Variants in TMEM175 observed in about 807,000 individuals in gnomAD.
TMEM175 encodes the protein transmembrane protein 175.
TMEM175 carries 36 observed loss-of-function variants against 36.5 expected under a neutral mutation model. The ratio of observed to expected loss-of-function variants is 0.99; its 90% CI spans 0.76 to 1.30. The LOEUF (loss-of-function observed/expected upper bound fraction) is 1.30, where lower values mean the gene tolerates loss of function less well. Ranked by LOEUF, TMEM175 falls within the 50% of genes most tolerant of loss-of-function variation. The pLI, the probability that TMEM175 is intolerant of heterozygous loss-of-function variation, is 0.00. For synonymous variants in TMEM175, 339 were observed against 313.4 expected (o/e 1.08, Z -0.86); for missense variants, 705 against 692.8 (o/e 1.02, Z -0.20).
chr4:941,007 A>AATAATAAT (rs1727387893), intron 1 of TMEM175, among the ~76,000 whole-genome samples: 3 of 131,864 alleles, frequency 2.3e-5, no homozygotes, highest in Non-Finnish European at 4.7e-5. Flanking sequence ...CTCCGTCTCA[A>AATAATAAT]AATAATAATA....
At position 958,169 on chromosome 4, in the gene TMEM175, G is replaced by T; in HGVS notation, c.1188G>T (p.Thr396=). 1 of 1,603,444 alleles carries T rather than the reference G, an allele frequency of 6.2e-7. No individual in the cohort carries two copies. The highest frequency in any genetic ancestry group is 8.5e-7 in the Non-Finnish European group (1 of 1,179,306). ...ASIFQLAMWT[T]ALLHQAETLQ... ...TCTTCCAGCTGGCCATGTGGACCACGGCGCTGCTGCACCAGGCGGAGACGC... is the reference window on the plus strand; with the variant it reads ...TCTTCCAGCTGGCCATGTGGACCACTGCGCTGCTGCACCAGGCGGAGACGC... The change falls in exon 11 of 11, where the codon ACG becomes ACT. Residue 396 remains threonine, a synonymous_variant. Coordinates refer to ENST00000264771, the MANE Select transcript of TMEM175 (RefSeq NM_032326.4).
chr4:944,225 G>A (rs905777138), intron 1 of TMEM175, among the ~76,000 whole-genome samples: 6 of 152,194 alleles, frequency 3.9e-5, no homozygotes, highest in African/African-American at 9.7e-5. Flanking sequence ...CCCAGGAGGC[G>A]GAGGTTGCAG....
rs547989171 is a variant in TMEM175, at chr4:953,275, G to C, written c.548G>C (p.Arg183Pro). The stretch of plus-strand genomic sequence containing the variant: ...TCTGCCCACAGGGCTCTGTACCGAC[G>C]ACACGTCCTGGGCATCGTCCTCCAA... ...QRSAHRALYR[R>P]HVLGIVLQGP... The change falls in exon 8 of 11, where the codon CGA (arginine) becomes CCA (proline). Residue 183 changes from arginine to proline, a missense_variant. By Grantham distance (103) the Arg-to-Pro change is moderately radical (BLOSUM62 -2). Transcript: ENST00000264771. 5 of 1,613,946 alleles carry C rather than the reference G, an allele frequency of 3.1e-6. No homozygotes were observed. Among genetic ancestry groups the C allele is most frequent in the Non-Finnish European group, 4.2e-6 (5 of 1,179,990 alleles).
At chr4:936,116 C>T (rs1188752998) in intron 1 of TMEM175, among the ~76,000 whole-genome samples, 1 of 152,120 alleles carries the variant, frequency 6.6e-6, no homozygotes, top group Non-Finnish European at 1.5e-5. Flanking sequence ...GGGCAGATCA[C>T]TTGAGGTCGG....
chr4:952,282 G>T, intron 6 of TMEM175, 85 bp from the exon 7 acceptor site: 1 of 1,219,648 alleles, frequency 8.2e-7, no homozygotes, highest in Non-Finnish European at 1.2e-6. Flanking sequence ...CGTGGAGTGG[G>T]GAGGCTCACC....
At position 953,270 on chromosome 4, in the gene TMEM175, C is replaced by G; in HGVS notation, c.543C>G (p.Tyr181Ter). 5 of 1,614,076 alleles carry G rather than the reference C, an allele frequency of 3.1e-6. No individual in the cohort carries two copies. The highest frequency in any genetic ancestry group is 4.2e-6 in the Non-Finnish European group (5 of 1,179,998). Reference protein sequence around the residue: ...QIQRSAHRALYRRHVLGIVLQ... With the variant: ...QIQRSAHRAL Reference sequence around the variant, plus strand: ...AGCGCTCTGCCCACAGGGCTCTGTACCGACGACACGTCCTGGGCATCGTCC... The same window carrying G: ...AGCGCTCTGCCCACAGGGCTCTGTAGCGACGACACGTCCTGGGCATCGTCC... The change falls in exon 8 of 11, where the codon TAC (tyrosine) becomes TAG (stop). Residue 181 changes from tyrosine (Y) to a stop codon, truncating the protein, a stop_gained. Coordinates refer to ENST00000264771, the MANE Select transcript of TMEM175 (RefSeq NM_032326.4). LOFTEE classifies it high-confidence loss of function.
At chr4:957,199 G>A (rs1332160975) in intron 10 of TMEM175, among the ~76,000 whole-genome samples, 1 of 148,068 alleles carries the variant, frequency 6.8e-6, no homozygotes, top group African/African-American at 2.5e-5. Flanking sequence ...TCTGCGTATT[G>A]TTCTGGAGGA....
intron 6 of TMEM175, 125 bp from the exon 7 acceptor site, chr4:952,242 G>A: frequency 2.4e-6 from 2 of 832,016 alleles, no homozygotes; most frequent in Admixed American, 2.1e-5. Flanking sequence ...GCGCCATCCT[G>A]TGATGGCCCC....
At chr4:956,178 C>T in intron 10 of TMEM175, 1 of 747,424 alleles carries the variant, frequency 1.3e-6, no homozygotes, top group Non-Finnish European at 2.0e-6. Context: ...CTGCTCTCCT[C>T]ACTCCTCTCA....
In TMEM175 at chr4:955,584, G is replaced by T. The variant is rs928761240; in HGVS notation, c.706+101G>T. On this transcript the variant is annotated intron_variant, in intron 9 of 10. Transcript: ENST00000264771. Reference sequence around the variant, plus strand: ...GCTGTCCGTGGGCCGAGGCCCGTGTGCGTGGTGGTGGCTGGGGCTCCCCCA... The same window carrying T: ...GCTGTCCGTGGGCCGAGGCCCGTGTTCGTGGTGGTGGCTGGGGCTCCCCCA... 4 of 1,449,170 alleles carry T rather than the reference G, an allele frequency of 2.8e-6. No homozygotes were observed. The African/African-American group carries it at 5.6e-5, about 20-fold the overall frequency. 89.8% of individuals were successfully genotyped at this position (1,449,170 alleles called of 1,614,324 possible).
At chr4:939,121 G>A (rs1242528471) in intron 1 of TMEM175, among the ~76,000 whole-genome samples, 1 of 152,228 alleles carries the variant, frequency 6.6e-6, no homozygotes, top group African/African-American at 2.4e-5. Flanking sequence ...ACAGTGTGGA[G>A]TTGATATAAA....
intron 1 of TMEM175, among the ~76,000 whole-genome samples, chr4:942,207 C>T (rs573722832): frequency 5.1e-4 from 78 of 152,122 alleles, no homozygotes; most frequent in African/African-American, 1.7e-3. Flanking sequence ...GCTGGGACTA[C>T]AGGCACGTGC....
rs1729477610 is a variant in TMEM175, at chr4:955,413, G to A, written c.636G>A (p.Leu212=). 6.2e-7 allele frequency: 1 copy of A among 1,613,954 alleles called. No homozygotes were observed. Among genetic ancestry groups the A allele is most frequent in the South Asian group, 1.1e-5 (1 of 91,082 alleles). ...GGTTTGTCTCCCTGCAGTCTTACCT[G>A]CTGATGGTGACTGTCATCCTCCTCC... ...FSLFFVPLSY[L]LMVTVILLPY... is the part of the protein sequence containing the mutation. Residue 212 remains leucine (L), a synonymous_variant, in exon 9 of 11, where the codon CTG becomes CTA. Coordinates refer to ENST00000264771, the MANE Select transcript of TMEM175 (RefSeq NM_032326.4).
At chr4:940,957 G>T (rs191184952) in intron 1 of TMEM175, among the ~76,000 whole-genome samples, 163 of 151,336 alleles carry the variant, frequency 1.1e-3, no homozygotes, top group African/African-American at 3.8e-3. Context: ...AGTGAGCCAA[G>T]ATTGTGCCAC....
At chr4:957,640 G>GT (rs1227488462) in intron 10 of TMEM175, among the ~76,000 whole-genome samples, 184 bp from the exon 11 acceptor site, 6 of 152,362 alleles carry the variant, frequency 3.9e-5, no homozygotes, top group Admixed American at 3.9e-4. Context: ...TGAACAGCAC[G>GT]TAACAGTCAG....
intron 1 of TMEM175, among the ~76,000 whole-genome samples, chr4:937,492 G>A (rs1413334908): frequency 6.6e-6 from 1 of 152,168 alleles, no homozygotes; most frequent in Non-Finnish European, 1.5e-5. Context: ...GGACCCAGGA[G>A]GTAGAGGTTG....
chr4:938,718 G>T (rs1224168403), intron 1 of TMEM175, among the ~76,000 whole-genome samples: 1 of 152,150 alleles, frequency 6.6e-6, no homozygotes, highest in Non-Finnish European at 1.5e-5. Flanking sequence ...AGACTTATAT[G>T]CTGAAAACTA....
At chr4:933,422 G>C (rs568417117) in intron 1 of TMEM175, among the ~76,000 whole-genome samples, 3 of 152,028 alleles carry the variant, frequency 2.0e-5, no homozygotes, top group Non-Finnish European at 4.4e-5. Context: ...CAGGAGAATC[G>C]CTTGAACCCG....
chr4:956,160 G>A (rs1242948367), intron 10 of TMEM175: 6 of 695,556 alleles, frequency 8.6e-6, no homozygotes, highest in Non-Finnish European at 1.3e-5. Context: ...GTCAGCACCA[G>A]CAGCCAACTG....
Sources: gnomAD v4.1 joint callset for allele counts (sites outside exome capture counted in the v4.1 genomes callset) on GRCh38, gnomAD v4.1.1 for gene constraint, MANE v1.5 for transcripts, NCBI Gene and HGNC (gene_info 2026-07-23, HGNC 2026-07-21) for gene names.